The following ZNF367 variants were observed in gnomAD, a reference collection of about 807,000 sequenced individuals.
ZNF367 encodes zinc finger protein 367.
A neutral mutation model predicts 31.8 loss-of-function variants in ZNF367; 11 were observed. The ratio of observed to expected loss-of-function variants is 0.35; its 90% CI spans 0.22 to 0.57. The LOEUF (loss-of-function observed/expected upper bound fraction) is 0.57. Ranked by LOEUF, ZNF367 falls within the 20% of genes least tolerant of loss-of-function variation. The pLI is 0.85. For synonymous variants in ZNF367, 199 were observed against 202.4 expected, an observed-to-expected ratio of 0.98 and a Z score of 0.14; for missense variants, 353 against 484.1, an observed-to-expected ratio of 0.73 and a Z score of 2.54.
At chr9:96,408,642 T>C (rs1374145694) in intron 1 of ZNF367, among the ~76,000 whole-genome samples, 1 of 152,090 alleles carries the variant, frequency 6.6e-6, no homozygotes, top group African/African-American at 2.4e-5. Context: ...GTTCAGTGAG[T>C]ATAGAGTTTG....
chr9:96,413,705 A>G (rs1175067255), intron 1 of ZNF367, among the ~76,000 whole-genome samples: 2 of 152,198 alleles, frequency 1.3e-5, no homozygotes, highest in Non-Finnish European at 2.9e-5. Flanking sequence ...ATATGCCAAC[A>G]GTGCTAAGCA....
chr9:96,391,176 G>C (rs1191221159), intron 4 of ZNF367, among the ~76,000 whole-genome samples: 2 of 152,050 alleles, frequency 1.3e-5, no homozygotes, highest in African/African-American at 4.8e-5. Context: ...TATTTATCAA[G>C]GCCCAGAAGC....
intron 1 of ZNF367, among the ~76,000 whole-genome samples, chr9:96,398,859 G>T (rs1587744060): frequency 6.6e-6 from 1 of 152,288 alleles, no homozygotes; most frequent in East Asian, 1.9e-4. Context: ...AATTGCGTTT[G>T]CCTGTTTTGA....
rs1831860135 is a variant in ZNF367 at position 96,418,055 on chromosome 9, C to T, written c.-23G>A. On this transcript the variant is annotated 5_prime_UTR_variant, in exon 1 of 5. Coordinates refer to ENST00000375256, the MANE Select transcript of ZNF367 (RefSeq NM_153695.4). ...CATCGCCCGGCCCGACCCCCAGCTCCGGCGGCCCCGGGCCGCACTCCTGAG... is the reference window on the plus strand; with the variant it reads ...CATCGCCCGGCCCGACCCCCAGCTCTGGCGGCCCCGGGCCGCACTCCTGAG... 1.5e-6 allele frequency: 2 copies of T among 1,354,090 alleles called. No homozygotes were observed. Among genetic ancestry groups the T allele is most frequent in the African/African-American group, 3.1e-5 (2 of 65,060 alleles). 83.9% of individuals were successfully genotyped at this position (1,354,090 alleles called of 1,614,324 possible). A position where few individuals can be genotyped will look rare whatever the true frequency, so the allele number is the denominator to read the frequency against.
chr9:96,392,452 G>A lies in ZNF367; in HGVS notation c.776C>T (p.Thr259Ile). ...GTCGGCAGCCTGATGTTTGCTGAGT[G>A]TGTCCGTGGGCTCCTCTCTCTTCAG... ...ARLKREEPTD[T>I]LSKHQAADNK... Residue 259 changes from threonine to isoleucine, a missense_variant, in exon 4 of 5, where the codon ACA becomes ATA. Around this residue, in one of 5 missense-constraint regions of ZNF367, gnomAD observed 101 missense variants for 140.0 expected, o/e 0.72. Coordinates refer to ENST00000375256, the MANE Select transcript of ZNF367 (RefSeq NM_153695.4). 1 of 1,614,182 alleles carries A rather than the reference G, an allele frequency of 6.2e-7. No homozygotes were observed. Among genetic ancestry groups the A allele is most frequent in the Non-Finnish European group, 8.5e-7 (1 of 1,180,022 alleles).
chr9:96,409,772 G>C (rs1434504441), intron 1 of ZNF367, among the ~76,000 whole-genome samples: 1 of 152,170 alleles, frequency 6.6e-6, no homozygotes, highest in Admixed American at 6.5e-5. Flanking sequence ...TTAACACAGA[G>C]TCAGACAGAA....
At chr9:96,398,136 C>A in intron 2 of ZNF367, 28 bp downstream of exon 2, 1 of 759,432 alleles carries the variant, frequency 1.3e-6, no homozygotes. Context: ...TTACTTCTGG[C>A]AGTCTCTATA....
intron 2 of ZNF367, 106 bp from the exon 3 acceptor site, chr9:96,395,048 T>C: frequency 1.6e-6 from 2 of 1,273,116 alleles, no homozygotes; most frequent in Non-Finnish European, 1.1e-6. Flanking sequence ...CCAATAACAA[T>C]AAAACATGTC....
chr9:96,388,489 T>C (rs751839509), intron 4 of ZNF367, 30 bp from the exon 5 acceptor site: 2 of 1,572,484 alleles, frequency 1.3e-6, no homozygotes, highest in African/African-American at 1.4e-5. Context: ...ATTAGTTACA[T>C]GGCAGACATG....
In ZNF367 at chr9:96,391,202, G is replaced by A. The variant is rs181081413; in HGVS notation, c.830+1196C>T. On this transcript the variant is annotated intron_variant, in intron 4 of 4. Coordinates refer to ENST00000375256, the MANE Select transcript of ZNF367 (RefSeq NM_153695.4). The stretch of plus-strand genomic sequence containing the variant: ...GCCCAGAAGCTCTGCTAGGCCCTAG[G>A]CTTACCATAATAAACAAGACAAATA... Among the ~76,000 whole-genome samples, 385 of 152,266 alleles carry A rather than the reference G, an allele frequency of 2.5e-3. 2 individuals are homozygous for A. Among genetic ancestry groups the A allele is most frequent in the Non-Finnish European group, 4.2e-3 (288 of 68,024 alleles).
chr9:96,396,258 A>G (rs1831529281), intron 2 of ZNF367, among the ~76,000 whole-genome samples: 1 of 152,154 alleles, frequency 6.6e-6, no homozygotes, highest in Non-Finnish European at 1.5e-5. Context: ...TGGCAACTCT[A>G]CGGCCTACAA....
chr9:96,389,676 A>C (rs1831447027), intron 4 of ZNF367, among the ~76,000 whole-genome samples: 1 of 152,168 alleles, frequency 6.6e-6, no homozygotes, highest in African/African-American at 2.4e-5. Context: ...TACACTTTAA[A>C]TGTATCATAA....
chr9:96,406,687 C>A (rs553388385), intron 1 of ZNF367, among the ~76,000 whole-genome samples: 1 of 152,130 alleles, frequency 6.6e-6, no homozygotes, highest in South Asian at 2.1e-4. Context: ...TTAGCCATTA[C>A]AGTTAACTTT....
chr9:96,389,646 C>T (rs1831446486), intron 4 of ZNF367, among the ~76,000 whole-genome samples: 1 of 152,144 alleles, frequency 6.6e-6, no homozygotes, highest in Non-Finnish European at 1.5e-5. Flanking sequence ...AAATTGTATA[C>T]TTTAAAATGT....
At chr9:96,391,047 A>G (rs1831467027) in intron 4 of ZNF367, among the ~76,000 whole-genome samples, 1 of 152,130 alleles carries the variant, frequency 6.6e-6, no homozygotes, top group Non-Finnish European at 1.5e-5. Context: ...CATCTAAACA[A>G]TTTCTATGAC....
chr9:96,394,672 G>T, intron 3 of ZNF367, 151 bp downstream of exon 3: 1 of 763,698 alleles, frequency 1.3e-6, no homozygotes, highest in Non-Finnish European at 2.0e-6. Flanking sequence ...GAGAAATTCA[G>T]CATGTATCAC....
chr9:96,414,375 T>C (rs942871202), intron 1 of ZNF367, among the ~76,000 whole-genome samples: 2 of 152,186 alleles, frequency 1.3e-5, no homozygotes, highest in African/African-American at 4.8e-5. Flanking sequence ...AGCAGAAATA[T>C]AAAACAGCCA....
At chr9:96,413,551 G>A (rs1201828108) in intron 1 of ZNF367, among the ~76,000 whole-genome samples, 1 of 152,162 alleles carries the variant, frequency 6.6e-6, no homozygotes, top group African/African-American at 2.4e-5. Flanking sequence ...ACCAGCCCCA[G>A]TGAAGAAGTA....
In ZNF367 at chr9:96,388,334, C is replaced by T. The variant is rs1831429288; in HGVS notation, c.956G>A (p.Gly319Glu). The T allele has an allele frequency of 6.2e-7, 1 of 1,612,722 alleles. No homozygotes were observed. Among genetic ancestry groups the T allele is most frequent in the African/African-American group, 1.3e-5 (1 of 74,890 alleles). The change falls in exon 5 of 5, where the codon GGG (glycine) becomes GAG (glutamate). Residue 319 changes from glycine (G) to glutamate (E), a missense_variant. Around this residue, in one of 5 missense-constraint regions of ZNF367, gnomAD observed 101 missense variants for 140.0 expected, o/e 0.72. Coordinates refer to ENST00000375256, the MANE Select transcript of ZNF367 (RefSeq NM_153695.4). ...QSDEEDDEKR[G>E]AQRRLQEQRE... ...CTGCTCCTGCAGCCGGCGCTGGGCC[C>T]CTCTCTTCTCGTCGTCCTCTTCATC... is the stretch of plus-strand genomic sequence containing the variant.
Sources: gnomAD v4.1 joint callset for allele counts (sites outside exome capture counted in the v4.1 genomes callset) on GRCh38, gnomAD v4.1.1 for gene constraint, gnomAD v4.1.1 regional missense constraint, MANE v1.5 for transcripts, NCBI Gene and HGNC (gene_info 2026-07-23, HGNC 2026-07-21) for gene names.